C7orf78: variants seen among roughly 807,000 people sequenced by gnomAD.
C7orf78 encodes chromosome 7 open reading frame 78.
chr7:12,530,390 C>T, the C7orf78 span: 27 of 152,256 alleles, frequency 1.8e-4, no homozygotes, highest in African/African-American at 5.8e-4. Context: ...CCTCCAGGGC[C>T]TGCTATCTGT....
chr7:12,523,764 A>G, the C7orf78 span, among the ~76,000 whole-genome samples: 1 of 152,184 alleles, frequency 6.6e-6, no homozygotes, highest in Non-Finnish European at 1.5e-5. Flanking sequence ...TTTATAACCT[A>G]CTACTAATAA....
At chr7:12,537,229 T>C in the C7orf78 span, among the ~76,000 whole-genome samples, 436 of 152,316 alleles carry the variant, frequency 2.9e-3, 10 homozygotes, top group Non-Finnish European at 1.2e-3. Context: ...CTCACAGTCA[T>C]GGCGGAAGGT....
chr7:12,498,542 T>C, the C7orf78 span, among the ~76,000 whole-genome samples: 1 of 151,864 alleles, frequency 6.6e-6, no homozygotes, highest in Non-Finnish European at 1.5e-5. Context: ...GAAAAAAGAA[T>C]AAAAAGAAAC....
the C7orf78 span, among the ~76,000 whole-genome samples, chr7:12,503,802 A>G: frequency 6.6e-6 from 1 of 152,018 alleles, no homozygotes; most frequent in African/African-American, 2.4e-5. Flanking sequence ...AAAAGGAGGA[A>G]TTTTCCACAT....
At chr7:12,504,165 G>T in the C7orf78 span, among the ~76,000 whole-genome samples, 1 of 152,112 alleles carries the variant, frequency 6.6e-6, no homozygotes. Context: ...ATTACAAAAG[G>T]TGAGTTCTCA....
the C7orf78 span, among the ~76,000 whole-genome samples, chr7:12,504,031 T>TA: frequency 6.6e-6 from 1 of 152,310 alleles, no homozygotes; most frequent in Admixed American, 6.5e-5. Flanking sequence ...TTATTTGTTT[T>TA]AAAAAATGTC....
chr7:12,523,932 G>A, the C7orf78 span, among the ~76,000 whole-genome samples: 91,111 of 151,772 alleles, frequency 0.6, 28,519 homozygotes, highest in African/African-American at 0.79. Flanking sequence ...TGGAGATGCA[G>A]ATAAGGTCAA....
the C7orf78 span, among the ~76,000 whole-genome samples, chr7:12,490,177 T>G: frequency 3.3e-5 from 5 of 152,316 alleles, no homozygotes; most frequent in East Asian, 9.6e-4. Flanking sequence ...CCATATCTTA[T>G]TCTACAAAGT....
chr7:12,520,448 T>C, the C7orf78 span, among the ~76,000 whole-genome samples: 1 of 152,328 alleles, frequency 6.6e-6, no homozygotes, highest in Non-Finnish European at 1.5e-5. Context: ...CCATTTTCAT[T>C]TGTTTCAATA....
At chr7:12,520,408 G>C in the C7orf78 span, among the ~76,000 whole-genome samples, 1 of 152,256 alleles carries the variant, frequency 6.6e-6, no homozygotes, top group East Asian at 1.9e-4. Flanking sequence ...TGCTTTTGCT[G>C]TATCCCATAG....
chr7:12,541,699 T>C, the C7orf78 span: 1 of 152,072 alleles, frequency 6.6e-6, no homozygotes, highest in African/African-American at 2.4e-5. Context: ...AGAGTATATG[T>C]ATGAGCTTTG....
At chr7:12,508,919 C>G in the C7orf78 span, among the ~76,000 whole-genome samples, 1 of 152,250 alleles carries the variant, frequency 6.6e-6, no homozygotes, top group Admixed American at 6.5e-5. Flanking sequence ...TGAAGGAAAA[C>G]AAGCTCAAGG....
the C7orf78 span, among the ~76,000 whole-genome samples, chr7:12,531,864 G>C: frequency 3.9e-5 from 6 of 152,138 alleles, no homozygotes; most frequent in Non-Finnish European, 8.8e-5. Flanking sequence ...TTTCCAGAGA[G>C]AGAGAAACAT....
At chr7:12,514,937 A>C in the C7orf78 span, among the ~76,000 whole-genome samples, 1 of 152,184 alleles carries the variant, frequency 6.6e-6, no homozygotes, top group Non-Finnish European at 1.5e-5. Flanking sequence ...CACTCTGAAC[A>C]CATCATCCCA....
the C7orf78 span, chr7:12,522,989 GC>G: frequency 2.5e-6 from 1 of 398,060 alleles, no homozygotes; most frequent in Non-Finnish European, 4.4e-6. Flanking sequence ...ATGTGAAAAT[GC>G]CCCCCACATA....
chr7:12,498,704 C>T, the C7orf78 span, among the ~76,000 whole-genome samples: 61 of 151,320 alleles, frequency 4.0e-4, no homozygotes, highest in African/African-American at 1.5e-3. Context: ...GCAAGGCAGG[C>T]CAACGTTCAG....
At chr7:12,523,483 TA>T in the C7orf78 span, 2 of 397,296 alleles carry the variant, frequency 5.0e-6, no homozygotes, top group East Asian at 7.1e-5. Context: ...AACTATGTAT[TA>T]TTTTTTATTC....
the C7orf78 span, among the ~76,000 whole-genome samples, chr7:12,499,768 A>G: frequency 6.6e-6 from 1 of 151,028 alleles, no homozygotes; most frequent in African/African-American, 2.4e-5. Flanking sequence ...CCAAATCAAC[A>G]GAATATACAT....
chr7:12,489,410 T>C, the C7orf78 span, among the ~76,000 whole-genome samples: 2 of 152,154 alleles, frequency 1.3e-5, no homozygotes, highest in African/African-American at 2.4e-5. Flanking sequence ...ATTGAACTTT[T>C]ATTTTAACTA....
Sources: gnomAD v4.1 joint callset for allele counts (sites outside exome capture counted in the v4.1 genomes callset) on GRCh38, gnomAD v4.1.1 for gene constraint, MANE v1.5 for transcripts, NCBI Gene and HGNC (gene_info 2026-07-23, HGNC 2026-07-21) for gene names.